Variants in MIS18A observed in about 807,000 individuals in gnomAD.
The protein encoded by MIS18A is protein Mis18-alpha.
MIS18A carries 14 observed loss-of-function variants against 25.0 expected under a neutral mutation model. The ratio of observed to expected loss-of-function variants is 0.56; its 90% CI spans 0.37 to 0.88. The LOEUF is 0.88. MIS18A is among the 40% of genes least tolerant of loss of function. The probability of loss-of-function intolerance (pLI) is 0.00; values close to 1 mark genes in which losing one functional copy is unlikely to be tolerated. For synonymous variants in MIS18A, 134 were observed against 118.6 expected (o/e 1.13, Z -0.84); for missense variants, 292 against 290.8 (o/e 1.00, Z -0.03).
the MIS18A span, among the ~76,000 whole-genome samples, chr21:32,180,279 C>T: frequency 6.6e-6 from 1 of 152,174 alleles, no homozygotes; most frequent in Admixed American, 6.5e-5. Flanking sequence ...AGCTGGAACT[C>T]TGCTTCTACT....
chr21:32,220,584 C>A, the MIS18A span, among the ~76,000 whole-genome samples: 2 of 152,122 alleles, frequency 1.3e-5, no homozygotes, highest in African/African-American at 4.8e-5. Flanking sequence ...TCCAAAAGAT[C>A]ACAACTCCTC....
At chr21:32,178,373 G>C in the MIS18A span, among the ~76,000 whole-genome samples, 1 of 151,934 alleles carries the variant, frequency 6.6e-6, no homozygotes, top group Non-Finnish European at 1.5e-5. Context: ...TGTTTTCTTA[G>C]GTTTATTCAC....
At chr21:32,246,593 T>C in the MIS18A span, among the ~76,000 whole-genome samples, 77 of 152,202 alleles carry the variant, frequency 5.1e-4, no homozygotes, top group Non-Finnish European at 8.2e-4. Flanking sequence ...AGTGTCCTTG[T>C]GGGAACTCCC....
chr21:32,201,286 C>A, the MIS18A span, among the ~76,000 whole-genome samples: 3 of 151,012 alleles, frequency 2.0e-5, no homozygotes, highest in African/African-American at 7.3e-5. Flanking sequence ...ACATCGGAGC[C>A]GACCCCGAGA....
chr21:32,260,087 T>TTTTTTTTTTTTTTTTTTTTTTTC, the MIS18A span: 1 of 149,792 alleles, frequency 6.7e-6, no homozygotes, highest in African/African-American at 2.5e-5. Flanking sequence ...TTCTCAGCTT[T>TTTTTTTTTTTTTTTTTTTTTTTC]TTTTTTTTCA....
chr21:32,199,269 T>C, the MIS18A span, among the ~76,000 whole-genome samples: 2 of 152,184 alleles, frequency 1.3e-5, no homozygotes, highest in Non-Finnish European at 2.9e-5. Flanking sequence ...CCCTGATTTA[T>C]ACCGTCGTGC....
At chr21:32,268,013 C>T (rs1217816603), downstream of MIS18A, among the ~76,000 whole-genome samples, 2 of 152,174 alleles carry the variant, frequency 1.3e-5, no homozygotes, top group Non-Finnish European at 1.5e-5. Context: ...CAGGGAACTT[C>T]GGAGCAAACG....
At chr21:32,196,677 C>A in the MIS18A span, among the ~76,000 whole-genome samples, 3 of 152,276 alleles carry the variant, frequency 2.0e-5, no homozygotes, top group African/African-American at 7.2e-5. Context: ...TGGTCTTGAT[C>A]TCCTGACCTC....
At chr21:32,253,116 C>T in the MIS18A span, among the ~76,000 whole-genome samples, 1 of 152,126 alleles carries the variant, frequency 6.6e-6, no homozygotes, top group African/African-American at 2.4e-5. Flanking sequence ...GTGGGATGCG[C>T]TTTAGGGGGC....
chr21:32,199,975 T>A, the MIS18A span, among the ~76,000 whole-genome samples: 2 of 152,164 alleles, frequency 1.3e-5, no homozygotes, highest in African/African-American at 4.8e-5. Flanking sequence ...TCGATTGGAT[T>A]GGGGTTTGCA....
the MIS18A span, among the ~76,000 whole-genome samples, chr21:32,170,942 A>G: frequency 1.3e-5 from 2 of 152,078 alleles, no homozygotes; most frequent in Non-Finnish European, 2.9e-5. Flanking sequence ...ACATCTTTTT[A>G]TAATAAAACA....
At chr21:32,174,286 C>T in the MIS18A span, among the ~76,000 whole-genome samples, 1 of 152,076 alleles carries the variant, frequency 6.6e-6, no homozygotes, top group African/African-American at 2.4e-5. Context: ...AATTGTCAGA[C>T]TGCGTTTTTA....
the MIS18A span, among the ~76,000 whole-genome samples, chr21:32,187,449 A>T: frequency 6.6e-6 from 1 of 151,992 alleles, no homozygotes; most frequent in African/African-American, 2.4e-5. Flanking sequence ...GCTGCATGAA[A>T]CCAGTTAGTC....
chr21:32,228,331 C>T, the MIS18A span, among the ~76,000 whole-genome samples: 1 of 152,194 alleles, frequency 6.6e-6, no homozygotes, highest in Non-Finnish European at 1.5e-5. Context: ...TAGTGATCCG[C>T]CCACCTCGGC....
the MIS18A span, among the ~76,000 whole-genome samples, chr21:32,190,888 C>T: frequency 1.9e-4 from 29 of 152,342 alleles, no homozygotes; most frequent in African/African-American, 1.7e-4. Context: ...TGTCTGCCAC[C>T]GCCAGTTGTA....
chr21:32,246,066 A>G, the MIS18A span, among the ~76,000 whole-genome samples: 1 of 151,970 alleles, frequency 6.6e-6, no homozygotes, highest in Non-Finnish European at 1.5e-5. Flanking sequence ...TAGGTGCTAC[A>G]CCCTTTTAAA....
the MIS18A span, among the ~76,000 whole-genome samples, chr21:32,190,860 C>T: frequency 1.3e-5 from 2 of 152,202 alleles, no homozygotes; most frequent in Non-Finnish European, 2.9e-5. Flanking sequence ...TCCTCCTGCT[C>T]CTGGACACTT....
intron 4 of MIS18A, 126 bp from the exon 5 acceptor site, chr21:32,269,243 T>G (rs2031669113): frequency 1.4e-6 from 1 of 690,854 alleles, no homozygotes; most frequent in East Asian, 2.9e-5. Flanking sequence ...AAGGTAGATA[T>G]TCAGTGTTTA....
At chr21:32,263,016 A>G in the MIS18A span, among the ~76,000 whole-genome samples, 1 of 152,220 alleles carries the variant, frequency 6.6e-6, no homozygotes, top group Non-Finnish European at 1.5e-5. Context: ...ATAGTGAATT[A>G]GCCTACAGAT....
Sources: gnomAD v4.1 joint callset for allele counts (sites outside exome capture counted in the v4.1 genomes callset) on GRCh38, gnomAD v4.1.1 for gene constraint, MANE v1.5 for transcripts, NCBI Gene and HGNC (gene_info 2026-07-23, HGNC 2026-07-21) for gene names.